The following NR2F1-AS1 variants were observed in gnomAD, a reference collection of about 807,000 sequenced individuals.
NR2F1-AS1 encodes NR2F1 antisense RNA 1.
At chr5:93,413,728 TA>T (rs968771214) in intron 4 of NR2F1-AS1, among the ~76,000 whole-genome samples, 4 of 152,084 alleles carry the variant, frequency 2.6e-5, no homozygotes, top group African/African-American at 9.7e-5. Context: ...AGTGTCTTCT[TA>T]AAAAAAACTT....
At chr5:93,517,445 C>T (rs1216695768) in intron 4 of NR2F1-AS1, among the ~76,000 whole-genome samples, 2 of 151,766 alleles carry the variant, frequency 1.3e-5, no homozygotes, top group Non-Finnish European at 2.9e-5. Context: ...TTTTAATTTA[C>T]TTCATTATAT....
At chr5:93,515,656 C>T (rs890664161) in intron 4 of NR2F1-AS1, among the ~76,000 whole-genome samples, 2 of 150,910 alleles carry the variant, frequency 1.3e-5, no homozygotes, top group Non-Finnish European at 3.0e-5. Context: ...ATGTGCTAAT[C>T]GATGGATAAT....
At chr5:93,585,375 T>C, upstream of NR2F1-AS1, 1 of 1,614,044 alleles carries the variant, frequency 6.2e-7, no homozygotes, top group Non-Finnish European at 8.5e-7. Flanking sequence ...CCGCAGGAAC[T>C]TAACTTACAC....
intron 4 of NR2F1-AS1, among the ~76,000 whole-genome samples, chr5:93,547,316 G>GTTAAAAC (rs1561494301): frequency 2.6e-5 from 4 of 152,160 alleles, no homozygotes; most frequent in Non-Finnish European, 5.9e-5. Context: ...ACATGTCGCT[G>GTTAAAAC]TAGACCATTA....
chr5:93,518,152 C>G (rs895425470), intron 4 of NR2F1-AS1, among the ~76,000 whole-genome samples: 1 of 151,946 alleles, frequency 6.6e-6, no homozygotes, highest in African/African-American at 2.4e-5. Context: ...TATTACAGGC[C>G]TAAAATTACC....
At chr5:93,472,631 T>G (rs1750391953) in intron 4 of NR2F1-AS1, among the ~76,000 whole-genome samples, 1 of 151,770 alleles carries the variant, frequency 6.6e-6, no homozygotes, top group Admixed American at 6.6e-5. Context: ...GTGGGTTGTT[T>G]TTGGGGGTGA....
chr5:93,418,672 C>T (rs1749021873), intron 4 of NR2F1-AS1, among the ~76,000 whole-genome samples: 1 of 152,126 alleles, frequency 6.6e-6, no homozygotes, highest in Admixed American at 6.5e-5. Context: ...CTGAGGCTCC[C>T]ATAATTTGCT....
At chr5:93,551,091 A>G (rs1450540985) in intron 4 of NR2F1-AS1, among the ~76,000 whole-genome samples, 2 of 152,120 alleles carry the variant, frequency 1.3e-5, no homozygotes, top group Non-Finnish European at 2.9e-5. Context: ...TAAATAGACT[A>G]AGGATACACA....
chr5:93,552,180 G>C lies in NR2F1-AS1; in HGVS notation n.638+1581C>G, dbSNP rs139326430. Reference sequence around the variant, plus strand: ...ACAGTCTAGTAAGAAGAAGACATAAGTAAATAAGAACAATGAAATACAGGC... The same window carrying C: ...ACAGTCTAGTAAGAAGAAGACATAACTAAATAAGAACAATGAAATACAGGC... On this transcript the variant is annotated intron_variant and non_coding_transcript_variant, in intron 4 of 5. Transcript: ENST00000660523. Among the ~76,000 whole-genome samples the C allele has an allele frequency of 7.2e-5, 11 of 152,232 alleles. No homozygotes were observed. The East Asian group carries it at 2.1e-3, about 29-fold the overall frequency.
At chr5:93,445,023 C>A (rs556942240) in intron 4 of NR2F1-AS1, among the ~76,000 whole-genome samples, 7 of 152,068 alleles carry the variant, frequency 4.6e-5, no homozygotes, top group Non-Finnish European at 2.9e-5. Flanking sequence ...ACAAAACATA[C>A]CAGAATCTCT....
At chr5:93,461,317 C>T (rs1750087444) in intron 4 of NR2F1-AS1, among the ~76,000 whole-genome samples, 1 of 151,916 alleles carries the variant, frequency 6.6e-6, no homozygotes, top group Admixed American at 6.6e-5. Flanking sequence ...ACAACACATA[C>T]TGGGGATTGT....
intron 4 of NR2F1-AS1, among the ~76,000 whole-genome samples, chr5:93,512,254 T>C (rs1249212855): frequency 6.6e-6 from 1 of 152,194 alleles, no homozygotes; most frequent in East Asian, 1.9e-4. Flanking sequence ...GTATCTTAGT[T>C]TTTAATAAAA....
intron 4 of NR2F1-AS1, among the ~76,000 whole-genome samples, chr5:93,491,228 G>A (rs1443537007): frequency 6.6e-6 from 1 of 151,160 alleles, no homozygotes; most frequent in Admixed American, 6.6e-5. Context: ...TATTGATGGA[G>A]GTTGTAGTTA....
intron 4 of NR2F1-AS1, among the ~76,000 whole-genome samples, chr5:93,547,419 T>A (rs1311249707): frequency 6.6e-6 from 1 of 152,196 alleles, no homozygotes; most frequent in Non-Finnish European, 1.5e-5. Context: ...TTAATGTCCA[T>A]GTCCCTTGAA....
At chr5:93,431,964 A>G (rs1749335071) in intron 4 of NR2F1-AS1, among the ~76,000 whole-genome samples, 1 of 152,184 alleles carries the variant, frequency 6.6e-6, no homozygotes. Context: ...GATCTTCTTT[A>G]AAATACCGGT....
intron 4 of NR2F1-AS1, among the ~76,000 whole-genome samples, chr5:93,450,021 G>A (rs1749794445): frequency 6.6e-6 from 1 of 152,142 alleles, no homozygotes; most frequent in African/African-American, 2.4e-5. Context: ...GTTCTGTGAG[G>A]AGATTTTAGT....
chr5:93,561,848 G>C (rs1752495487), intron 2 of NR2F1-AS1, among the ~76,000 whole-genome samples: 1 of 151,912 alleles, frequency 6.6e-6, no homozygotes, highest in African/African-American at 2.4e-5. Context: ...TTTATTCTTA[G>C]TGTAGTTCCT....
chr5:93,581,654 G>A (rs894487260), upstream of NR2F1-AS1, among the ~76,000 whole-genome samples: 1 of 115,616 alleles, frequency 8.6e-6, no homozygotes, highest in African/African-American at 3.3e-5. Context: ...CAGGATTCAG[G>A]AATCGGGGTC....
At chr5:93,547,462 A>T (rs1752115791) in intron 4 of NR2F1-AS1, among the ~76,000 whole-genome samples, 1 of 152,188 alleles carries the variant, frequency 6.6e-6, no homozygotes, top group Non-Finnish European at 1.5e-5. Flanking sequence ...CATTTCTCAG[A>T]ATCAAAACCA....
Sources: allele counts gnomAD v4.1 joint callset (sites outside exome capture counted in the v4.1 genomes callset), GRCh38; gene constraint gnomAD v4.1.1; transcripts MANE v1.5; gene names NCBI Gene and HGNC (gene_info 2026-07-23, HGNC 2026-07-21).